Variants in DPP6 observed in about 807,000 individuals in gnomAD.
DPP6 encodes the protein A-type potassium channel modulatory protein DPP6.
DPP6 carries 69 observed loss-of-function variants against 122.6 expected under a neutral mutation model. The observed-to-expected ratio is 0.56, with a 90% CI of 0.46 to 0.69. DPP6 has a LOEUF of 0.69. Among genes scored for constraint, DPP6 ranks in the 30% least tolerant of loss-of-function variants. The pLI is 0.00. For synonymous variants in DPP6, 418 were observed against 433.1 expected (o/e 0.97, Z 0.43); for missense variants, 928 against 1,116.9 (o/e 0.83, Z 2.41).
rs10278410 is a variant in DPP6, at chr7:154,477,253, C to A, written c.457+2216C>A. 6.9e-3 allele frequency among the ~76,000 whole-genome samples: 1,003 copies of A among 144,826 alleles called. 17 individuals are homozygous for A. The highest frequency in any genetic ancestry group is 0.025 in the African/African-American group (954 of 38,238). ...GTCACACCACCCACCACCATGATCT[C>A]CCACCACCACCACCAGCAGCACCAG... On this transcript the variant is annotated intron_variant, in intron 3 of 25. Coordinates refer to ENST00000377770, the MANE Select transcript of DPP6 (RefSeq NM_130797.4).
chr7:154,086,513 G>T (rs59921942), intron 1 of DPP6, among the ~76,000 whole-genome samples: 33,247 of 147,986 alleles, frequency 0.22, 4,224 homozygotes, highest in African/African-American at 0.35. Context: ...TGTTCCATCT[G>T]CTGCCCTACA....
At chr7:154,625,729 G>T (rs950116998) in intron 5 of DPP6, among the ~76,000 whole-genome samples, 1 of 152,192 alleles carries the variant, frequency 6.6e-6, no homozygotes, top group Non-Finnish European at 1.5e-5. Flanking sequence ...TGTGCAAGGC[G>T]CACGGTACAG....
chr7:154,883,232 TCACA>T (rs1360903178), intron 21 of DPP6, among the ~76,000 whole-genome samples: 10 of 133,446 alleles, frequency 7.5e-5, no homozygotes, highest in South Asian at 7.4e-4. Context: ...CACACAATGC[TCACA>T]CATTCACACA....
intron 8 of DPP6, among the ~76,000 whole-genome samples, chr7:154,749,536 G>A (rs796845127): frequency 8.6e-3 from 735 of 85,380 alleles, no homozygotes; most frequent in Admixed American, 0.013. Context: ...AGCATAGGAC[G>A]GGAGAGAGAG....
At chr7:153,888,410 C>G (rs996813914) in intron 1 of DPP6, among the ~76,000 whole-genome samples, 1 of 152,208 alleles carries the variant, frequency 6.6e-6, no homozygotes, top group Non-Finnish European at 1.5e-5. Context: ...GGGGACAGTT[C>G]TGCACGGATA....
intron 1 of DPP6, among the ~76,000 whole-genome samples, chr7:154,167,014 A>C (rs1036959279): frequency 2.7e-5 from 4 of 149,536 alleles, no homozygotes; most frequent in African/African-American, 1.0e-4. Context: ...CAAAAATTGT[A>C]AGTATGTGTG....
At chr7:154,537,276 A>G (rs1429177932) in intron 3 of DPP6, among the ~76,000 whole-genome samples, 1 of 152,188 alleles carries the variant, frequency 6.6e-6, no homozygotes, top group Non-Finnish European at 1.5e-5. Context: ...ATAAGACAAG[A>G]ATAGTAAATA....
chr7:154,718,647 T>C (rs1356910135), intron 7 of DPP6, among the ~76,000 whole-genome samples: 1 of 148,950 alleles, frequency 6.7e-6, no homozygotes, highest in Non-Finnish European at 1.5e-5. Context: ...TTTTTTTTTT[T>C]TTTTTTTTTG....
intron 1 of DPP6, among the ~76,000 whole-genome samples, chr7:153,929,094 G>A (rs1801056427): frequency 1.3e-5 from 2 of 152,140 alleles, no homozygotes; most frequent in African/African-American, 2.4e-5. Flanking sequence ...GAGGAGTGAG[G>A]TGGCCTGACC....
At chr7:154,355,654 T>C (rs1811215925) in intron 1 of DPP6, among the ~76,000 whole-genome samples, 1 of 152,192 alleles carries the variant, frequency 6.6e-6, no homozygotes, top group South Asian at 2.1e-4. Context: ...GTGAAACATT[T>C]GTGAGAAATC....
At chr7:154,739,344 G>A (rs575614358) in intron 8 of DPP6, among the ~76,000 whole-genome samples, 1 of 152,282 alleles carries the variant, frequency 6.6e-6, no homozygotes, top group Non-Finnish European at 1.5e-5. Flanking sequence ...AGGGATGTTG[G>A]GGAATCTCTC....
chr7:154,315,026 G>T (rs1270453197), intron 1 of DPP6, among the ~76,000 whole-genome samples: 1 of 152,186 alleles, frequency 6.6e-6, no homozygotes, highest in South Asian at 2.1e-4. Context: ...GCATGAGGTT[G>T]TTCGTAGCAA....
chr7:154,448,508 C>T (rs2337377), intron 2 of DPP6, among the ~76,000 whole-genome samples: 85,576 of 152,014 alleles, frequency 0.56, 26,941 homozygotes, highest in African/African-American at 0.86. Context: ...ACTCCCTAAA[C>T]TGATGTGCAG....
rs181324838 is a variant in DPP6 at position 154,759,996 on chromosome 7, A to G, written c.884-9421A>G. Among the ~76,000 whole-genome samples, 99 of 152,244 alleles carry G rather than the reference A, an allele frequency of 6.5e-4. 1 individual carries two copies. Among genetic ancestry groups the G allele is most frequent in the African/African-American group, 2.3e-3 (97 of 41,556 alleles). On this transcript the variant is annotated intron_variant, in intron 8 of 25. Coordinates refer to ENST00000377770, the MANE Select transcript of DPP6 (RefSeq NM_130797.4). Reference sequence around the variant, plus strand: ...AAATTAGCTGGGCATGGTGGTGCACACCTGTAGTCCCAGCTACTCGGGAGG... The same window carrying G: ...AAATTAGCTGGGCATGGTGGTGCACGCCTGTAGTCCCAGCTACTCGGGAGG...
At chr7:154,150,615 G>A (rs1057440281) in intron 1 of DPP6, among the ~76,000 whole-genome samples, 16 of 152,222 alleles carry the variant, frequency 1.1e-4, no homozygotes, top group African/African-American at 3.6e-4. Flanking sequence ...CAGCACGAGG[G>A]AGAAGAGAGA....
intron 1 of DPP6, among the ~76,000 whole-genome samples, chr7:154,212,319 G>A (rs1799784556): frequency 6.6e-6 from 1 of 152,182 alleles, no homozygotes; most frequent in Non-Finnish European, 1.5e-5. Flanking sequence ...ACTCATGTCT[G>A]TGCAGTATTC....
chr7:154,550,748 CTTTTTTTTT>C (rs35197365), intron 4 of DPP6, among the ~76,000 whole-genome samples: 1 of 126,850 alleles, frequency 7.9e-6, no homozygotes, highest in Non-Finnish European at 1.7e-5. Flanking sequence ...AATTTTAGTT[CTTTTTTTTT>C]TTTTTTTTTT....
the DPP6 span, among the ~76,000 whole-genome samples, chr7:153,781,888 CAA>C: frequency 7.3e-3 from 1,105 of 151,542 alleles, 15 homozygotes; most frequent in African/African-American, 0.025. Context: ...TGTTTTAAAT[CAA>C]GTCATAAAGC....
chr7:154,514,500 C>A (rs1826337643), intron 3 of DPP6, among the ~76,000 whole-genome samples: 1 of 152,096 alleles, frequency 6.6e-6, no homozygotes, highest in Non-Finnish European at 1.5e-5. Flanking sequence ...TCTCCAGATC[C>A]TTCCTACTTT....
Sources: gnomAD v4.1 joint callset for allele counts (sites outside exome capture counted in the v4.1 genomes callset) on GRCh38, gnomAD v4.1.1 for gene constraint, MANE v1.5 for transcripts, NCBI Gene and HGNC (gene_info 2026-07-23, HGNC 2026-07-21) for gene names.